Variants in SLAIN2 observed in about 807,000 individuals in gnomAD.
SLAIN2 encodes SLAIN motif-containing protein 2.
Under a neutral mutation model 56.6 loss-of-function variants are expected in SLAIN2, and 31 were observed. The observed-to-expected ratio is 0.55, with a 90% confidence interval of 0.41 to 0.74. The LOEUF (loss-of-function observed/expected upper bound fraction) is 0.74. SLAIN2 is among the 30% of genes least tolerant of loss of function. The pLI is 0.00. For missense variants in SLAIN2, 777 were observed against 754.2 expected (o/e 1.03, Z -0.35); for synonymous variants, 317 against 284.9 (o/e 1.11, Z -1.13).
chr4:48,371,190 C>G (rs1275799817), intron 2 of SLAIN2, among the ~76,000 whole-genome samples: 2 of 150,986 alleles, frequency 1.3e-5, no homozygotes, highest in African/African-American at 4.9e-5. Context: ...ACTGCAGCCT[C>G]AGCCTCCCGA....
intron 2 of SLAIN2, 70 bp downstream of exon 2, chr4:48,370,067 A>AG (rs1435917548): frequency 1.3e-6 from 2 of 1,500,542 alleles, no homozygotes; most frequent in African/African-American, 2.8e-5. Flanking sequence ...AATATTGAGC[A>AG]TTGTGTTTTT....
chr4:48,364,183 C>T (rs1228670904), intron 1 of SLAIN2, among the ~76,000 whole-genome samples: 1 of 63,588 alleles, frequency 1.6e-5, no homozygotes. Context: ...AGAGACGCTC[C>T]TCACCTCCCA....
intron 6 of SLAIN2, among the ~76,000 whole-genome samples, chr4:48,415,318 A>T (rs1228243311): frequency 1.7e-5 from 1 of 60,466 alleles, no homozygotes; most frequent in Non-Finnish European, 3.8e-5. Flanking sequence ...AGTGATGATG[A>T]GCATTTCTTC....
intron 6 of SLAIN2, among the ~76,000 whole-genome samples, chr4:48,398,213 ATTG>A (rs1045788603): frequency 6.6e-6 from 1 of 151,548 alleles, no homozygotes; most frequent in African/African-American, 2.4e-5. Context: ...ATGGTATCTC[ATTG>A]TTGTTTTGAT....
At chr4:48,399,062 A>G (rs1025057501) in intron 6 of SLAIN2, among the ~76,000 whole-genome samples, 2 of 152,182 alleles carry the variant, frequency 1.3e-5, no homozygotes, top group Non-Finnish European at 2.9e-5. Context: ...TGGGAATAGC[A>G]TTGAATCCAT....
chr4:48,347,024 A>AT (rs997634305), intron 1 of SLAIN2, among the ~76,000 whole-genome samples: 7 of 151,182 alleles, frequency 4.6e-5, no homozygotes, highest in African/African-American at 1.5e-4. Flanking sequence ...AATGGCTTTA[A>AT]TTTTTTTTCT....
At position 48,341,992 on chromosome 4, in the gene SLAIN2, C is replaced by T; in HGVS notation, c.253C>T (p.Arg85Trp). 2 of 1,427,730 alleles carry T rather than the reference C, an allele frequency of 1.4e-6. No individual in the cohort carries two copies. Among genetic ancestry groups the T allele is most frequent in the Non-Finnish European group, 9.1e-7 (1 of 1,096,376 alleles). 88.4% of individuals were successfully genotyped at this position (1,427,730 alleles called of 1,614,324 possible). Residue 85 changes from arginine to tryptophan, a missense_variant, in exon 1 of 8, where the codon CGG (arginine) becomes TGG (tryptophan). Transcript: ENST00000264313. ...CGGCGGGCCCGGGTCGGGCCCGAGG[C>T]GGACGAGTAGCGAAGAGCTGCGGGA... is the stretch of plus-strand genomic sequence containing the variant. ...SGGGPGSGPRRTSSEELRDAT... is the reference protein window; with the variant it reads ...SGGGPGSGPRWTSSEELRDAT...
intron 6 of SLAIN2, among the ~76,000 whole-genome samples, chr4:48,393,124 G>C (rs1577728702): frequency 6.6e-6 from 1 of 152,020 alleles, no homozygotes; most frequent in African/African-American, 2.4e-5. Context: ...TGTAATTCCA[G>C]CACTTCGGGA....
intron 1 of SLAIN2, among the ~76,000 whole-genome samples, chr4:48,368,174 G>A (rs865958304): frequency 4.1e-4 from 62 of 149,520 alleles, no homozygotes; most frequent in African/African-American, 1.4e-3. Flanking sequence ...TCAGCCTCCC[G>A]AGTAGCTGGA....
intron 1 of SLAIN2, among the ~76,000 whole-genome samples, chr4:48,355,849 G>A (rs761454350): frequency 6.6e-6 from 1 of 151,552 alleles, no homozygotes; most frequent in Admixed American, 6.6e-5. Context: ...CACAAAGTTG[G>A]TAAAATATTT....
chr4:48,345,760 G>A (rs1040304878), intron 1 of SLAIN2, among the ~76,000 whole-genome samples: 1 of 151,286 alleles, frequency 6.6e-6, no homozygotes, highest in Non-Finnish European at 1.5e-5. Context: ...TTAATATTAT[G>A]TTTCTGAGTT....
Position 48,425,892 on chromosome 4 carries a change from A to C in SLAIN2, c.*3815A>C, listed in dbSNP as rs1445223157. ...TTTACTGTAATACAAACTGGTTAAA[A>C]CTATGTTAACTGAATGCTAGTTTGA... On this transcript the variant is annotated 3_prime_UTR_variant, in exon 8 of 8. Coordinates refer to ENST00000264313, the MANE Select transcript of SLAIN2 (RefSeq NM_020846.2). 3.3e-5 allele frequency: 5 copies of C among 152,222 alleles called. No homozygotes were observed. The highest frequency in any genetic ancestry group is 6.5e-5 in the Admixed American group (1 of 15,276). The allele number at this position is 152,222 out of a possible 1,614,324, so 9.4% of individuals were successfully genotyped here. A position where few individuals can be genotyped will look rare whatever the true frequency, so the allele number is the denominator to read the frequency against.
rs1488480416 is a variant in SLAIN2, at chr4:48,426,185, T to C, written c.*4108T>C. ...GGAGAAAATGTTTCTTTTAAATAAA[T>C]GTTTCTTATGTAAAAATGTTGACAT... On this transcript the variant is annotated 3_prime_UTR_variant, in exon 8 of 8. Coordinates refer to ENST00000264313, the MANE Select transcript of SLAIN2 (RefSeq NM_020846.2). 1 of 151,872 alleles carries C rather than the reference T, an allele frequency of 6.6e-6. No individual in the cohort carries two copies. Among genetic ancestry groups the C allele is most frequent in the Non-Finnish European group, 1.5e-5 (1 of 67,968 alleles). 9.4% of individuals were successfully genotyped at this position (151,872 alleles called of 1,614,324 possible).
chr4:48,342,239 C>T (rs1714731621), intron 1 of SLAIN2, 111 bp downstream of exon 1: 5 of 1,257,078 alleles, frequency 4.0e-6, no homozygotes, highest in Non-Finnish European at 5.1e-6. Flanking sequence ...CGGGTCCGCT[C>T]TCCTGTGGCG....
Position 48,423,313 on chromosome 4 carries a change from ACTTGCTCTCTAATGGCT to A in SLAIN2, c.*1240_*1256del, listed in dbSNP as rs1444620445. 1 of 152,094 alleles carries A rather than the reference ACTTGCTCTCTAATGGCT, an allele frequency of 6.6e-6. No individual in the cohort carries two copies. The highest frequency in any genetic ancestry group is 1.5e-5 in the Non-Finnish European group (1 of 68,016). 9.4% of individuals were successfully genotyped at this position (152,094 alleles called of 1,614,324 possible). A position where few individuals can be genotyped will look rare whatever the true frequency, so the allele number is the denominator to read the frequency against. ...CTACTACGTATGACTCTAACCTGAT[ACTTGCTCTCTAATGGCT>A]CTTAATATATCCTTGAAATCGGCTA... On this transcript the variant is annotated 3_prime_UTR_variant, in exon 8 of 8. Transcript: ENST00000264313.
At chr4:48,398,061 T>C (rs182070138) in intron 6 of SLAIN2, among the ~76,000 whole-genome samples, 3 of 152,304 alleles carry the variant, frequency 2.0e-5, no homozygotes, top group Admixed American at 2.0e-4. Flanking sequence ...TATTTCTGCT[T>C]TTAGATCTTT....
intron 1 of SLAIN2, among the ~76,000 whole-genome samples, chr4:48,360,159 A>G (rs1715283311): frequency 6.6e-6 from 1 of 151,916 alleles, no homozygotes; most frequent in Non-Finnish European, 1.5e-5. Context: ...GTCTCAAAAA[A>G]AAAAAAAAAT....
chr4:48,360,895 T>G (rs1410247866), intron 1 of SLAIN2, among the ~76,000 whole-genome samples: 1 of 152,240 alleles, frequency 6.6e-6, no homozygotes, highest in Non-Finnish European at 1.5e-5. Context: ...CTTCTTTTAC[T>G]TAGCATAATG....
intron 1 of SLAIN2, among the ~76,000 whole-genome samples, chr4:48,355,264 A>G (rs1301797104): frequency 2.0e-5 from 3 of 152,178 alleles, no homozygotes; most frequent in African/African-American, 4.8e-5. Context: ...TTCCTTTTCT[A>G]CTGTGTGCCA....
Sources: allele counts gnomAD v4.1 joint callset (sites outside exome capture counted in the v4.1 genomes callset), GRCh38; gene constraint gnomAD v4.1.1; transcripts MANE v1.5; gene names NCBI Gene and HGNC (gene_info 2026-07-23, HGNC 2026-07-21).